Variants in ABCC2 observed in about 807,000 individuals in gnomAD.
ABCC2 encodes the protein ATP binding cassette subfamily C member 2.
A neutral mutation model predicts 173.4 loss-of-function variants in ABCC2; 157 were observed. That is an observed-to-expected ratio of 0.91 (90% CI 0.80 to 1.03). The LOEUF is 1.03. ABCC2 is among the 50% of genes least tolerant of loss of function. The pLI is 0.00. For synonymous variants in ABCC2, 657 were observed against 693.5 expected, an observed-to-expected ratio of 0.95 and a Z score of 0.83; for missense variants, 1,822 against 1,852.3, an observed-to-expected ratio of 0.98 and a Z score of 0.30.
chr10:99,814,622 T>TAC (rs561043063), intron 16 of ABCC2, among the ~76,000 whole-genome samples: 511 of 22,516 alleles, frequency 0.023, 141 homozygotes, highest in African/African-American at 0.14. Context: ...TATACACATA[T>TAC]ACACACATAT....
At position 99,836,104 on chromosome 10, in the gene ABCC2, C is replaced by G; in HGVS notation, c.3428C>G (p.Ser1143Cys). 1.9e-6 allele frequency: 3 copies of G among 1,613,678 alleles called. No individual in the cohort carries two copies. Among genetic ancestry groups the G allele is most frequent in the Non-Finnish European group, 2.5e-6 (3 of 1,180,030 alleles). ...IYVSVQMFYV[S>C]TSRQLRRLDS... ...TTTTGTGTCCAGATGTTTTATGTGTCTACCTCCCGCCAGCTGAGGCGTCTG... is the reference window on the plus strand; with the variant it reads ...TTTTGTGTCCAGATGTTTTATGTGTGTACCTCCCGCCAGCTGAGGCGTCTG... Residue 1143 changes from serine (S) to cysteine (C), a missense_variant, in exon 25 of 32, where the codon TCT (serine) becomes TGT (cysteine). Physicochemically the swap from Ser to Cys is moderately radical, Grantham distance 112 (BLOSUM62 -1). Transcript: ENST00000647814.
At chr10:99,844,226 C>A in intron 27 of ABCC2, 96 bp from the exon 28 acceptor site, 1 of 1,490,696 alleles carries the variant, frequency 6.7e-7, no homozygotes, top group Non-Finnish European at 9.3e-7. Flanking sequence ...TGGGACACTG[C>A]TACCCTTCTC....
At chr10:99,789,038 A>G (rs2145853) in intron 2 of ABCC2, 89,467 of 154,210 alleles carry the variant, frequency 0.58, 26,253 homozygotes, top group East Asian at 0.77. Context: ...AAGTTCTTGC[A>G]GCTGCTGGAG....
At chr10:99,820,390 T>TCACA (rs10555122) in intron 19 of ABCC2, among the ~76,000 whole-genome samples, 3 of 146,450 alleles carry the variant, frequency 2.0e-5, no homozygotes, top group Non-Finnish European at 3.1e-5. Flanking sequence ...AAACTCCATC[T>TCACA]CACACACACA....
At chr10:99,819,401 G>T in intron 19 of ABCC2, 132 bp downstream of exon 19, 1 of 913,772 alleles carries the variant, frequency 1.1e-6, no homozygotes. Flanking sequence ...TTCAAACTCT[G>T]CTTTCTGGGT....
At chr10:99,808,440 A>G (rs1359515522) in intron 13 of ABCC2, among the ~76,000 whole-genome samples, 1 of 152,202 alleles carries the variant, frequency 6.6e-6, no homozygotes, top group East Asian at 1.9e-4. Flanking sequence ...GGATAATCAT[A>G]CCAATCTCAT....
In ABCC2 at chr10:99,814,374, TAC is replaced by T. The variant is rs1253984761; in HGVS notation, c.2094+1234_2094+1235del. On this transcript the variant is annotated intron_variant, in intron 16 of 31. Transcript: ENST00000647814. ...ACGTATGTATACACACATGTATATA[TAC>T]ACATATATACATATATGGGTATATA... Among the ~76,000 whole-genome samples the T allele has an allele frequency of 2.2e-3, 51 of 22,872 alleles. 14 individuals are homozygous for T. The highest frequency in any genetic ancestry group is 2.1e-3 in the Non-Finnish European group (21 of 10,022). 15.0% of individuals were successfully genotyped at this position (22,872 alleles called of 152,430 possible).
chr10:99,814,426 TATATGTGTATACACAC>T (rs2038322181), intron 16 of ABCC2, among the ~76,000 whole-genome samples: 1 of 137,272 alleles, frequency 7.3e-6, no homozygotes, highest in Non-Finnish European at 1.6e-5. Context: ...TATGTGTGCA[TATATGTGTATACACAC>T]ATATGTGTGT....
At chr10:99,847,248 G>A (rs1286882832) in intron 30 of ABCC2, 121 bp downstream of exon 30, 1 of 1,157,250 alleles carries the variant, frequency 8.6e-7, no homozygotes, top group African/African-American at 1.5e-5. Context: ...GATTCCTAAA[G>A]TGTAAAATGA....
intron 11 of ABCC2, among the ~76,000 whole-genome samples, chr10:99,805,650 G>T (rs920439949): frequency 2.6e-5 from 4 of 152,018 alleles, no homozygotes; most frequent in Non-Finnish European, 4.4e-5. Context: ...AGCTTGTTTT[G>T]TTTTGACACT....
intron 4 of ABCC2, 62 bp from the exon 5 acceptor site, chr10:99,793,830 G>A (rs1222750896): frequency 6.4e-6 from 10 of 1,565,742 alleles, no homozygotes; most frequent in South Asian, 5.5e-5. Flanking sequence ...TGATATATAC[G>A]GGCCATGTAG....
At chr10:99,830,474 AT>A in intron 20 of ABCC2, 41 bp downstream of exon 20, 1 of 1,613,932 alleles carries the variant, frequency 6.2e-7, no homozygotes, top group Non-Finnish European at 8.5e-7. Flanking sequence ...TCAGCTCTAT[AT>A]TTCCACTTGA....
At chr10:99,802,049 C>A (rs1313107356) in intron 9 of ABCC2, among the ~76,000 whole-genome samples, 2 of 152,212 alleles carry the variant, frequency 1.3e-5, no homozygotes, top group Non-Finnish European at 1.5e-5. Context: ...CACTAACCAG[C>A]CTGTCTCAGC....
intron 25 of ABCC2, among the ~76,000 whole-genome samples, chr10:99,840,574 C>T (rs1271770881): frequency 5.5e-3 from 797 of 144,012 alleles, no homozygotes; most frequent in African/African-American, 0.02. Flanking sequence ...GGTGCAATCT[C>T]GGCTCACTGC....
chr10:99,838,154 T>C (rs1286361785), intron 25 of ABCC2, among the ~76,000 whole-genome samples: 11 of 66,866 alleles, frequency 1.6e-4, no homozygotes, highest in Admixed American at 2.8e-4. Flanking sequence ...GGCGGGGGGC[T>C]GACCCCCCAA....
At position 99,800,501 on chromosome 10, in the gene ABCC2, C is replaced by T; in HGVS notation, c.1147C>T (p.Gln383Ter). 1.2e-6 allele frequency: 2 copies of T among 1,614,092 alleles called. No individual in the cohort carries two copies. Among genetic ancestry groups the T allele is most frequent in the Non-Finnish European group, 1.7e-6 (2 of 1,180,028 alleles). ...IQSFCLQCYFQLCFKLGVKVR... is the reference protein window; with the variant it reads ...IQSFCLQCYF Reference sequence around the variant, plus strand: ...GTCTTTCTGCCTTCAGTGTTATTTCCAACTGTGCTTCAAGCTGGGTGTAAA... The same window carrying T: ...GTCTTTCTGCCTTCAGTGTTATTTCTAACTGTGCTTCAAGCTGGGTGTAAA... The change falls in exon 9 of 32, where the codon CAA becomes TAA. Residue 383 changes from glutamine to a stop codon, truncating the protein, a stop_gained. Transcript: ENST00000647814. LOFTEE classifies it high-confidence loss of function.
intron 24 of ABCC2, among the ~76,000 whole-genome samples, chr10:99,835,594 A>G (rs1289447137): frequency 6.6e-6 from 1 of 152,002 alleles, no homozygotes; most frequent in Non-Finnish European, 1.5e-5. Context: ...CACACCACCG[A>G]GGCACAGTTT....
rs2133142192 is a variant in ABCC2, at chr10:99,842,077, T to C, written c.3725T>C (p.Leu1242Pro). 6.2e-7 allele frequency: 1 copy of C among 1,614,242 alleles called. No homozygotes were observed. The highest frequency in any genetic ancestry group is 1.7e-5 in the Admixed American group (1 of 60,028). ...AGTGGGGACACTGTTGGCTTTGTTCTGTCCAATGCACTCAATGTGAGTTTG... is the reference window on the plus strand; with the variant it reads ...AGTGGGGACACTGTTGGCTTTGTTCCGTCCAATGCACTCAATGTGAGTTTG... ...TLSGDTVGFV[L>P]SNALNITQTL... The change falls in exon 26 of 32, where the codon CTG (leucine) becomes CCG (proline). Residue 1242 changes from leucine to proline, a missense_variant. Transcript: ENST00000647814.
chr10:99,831,685 T>A lies in ABCC2; in HGVS notation c.2958T>A (p.Phe986Leu). The A allele has an allele frequency of 1.2e-6, 2 of 1,614,172 alleles. No individual in the cohort carries two copies. Among genetic ancestry groups the A allele is most frequent in the Non-Finnish European group, 1.7e-6 (2 of 1,180,022 alleles). ...LFSIFFIILAFVMNSVAFIGS... is the reference protein window; with the variant it reads ...LFSIFFIILALVMNSVAFIGS... ...CGATATTCTTCATCATCCTTGCGTT[T>A]GTGATGAATTCTGTGGCTTTTATTG... The change falls in exon 22 of 32, where the codon TTT becomes TTA. Residue 986 changes from phenylalanine (F) to leucine (L), a missense_variant. Transcript: ENST00000647814.
Sources: allele counts gnomAD v4.1 joint callset (sites outside exome capture counted in the v4.1 genomes callset), GRCh38; gene constraint gnomAD v4.1.1; transcripts MANE v1.5; gene names NCBI Gene and HGNC (gene_info 2026-07-23, HGNC 2026-07-21).